Variants in DIAPH3 observed in about 807,000 individuals in gnomAD.
The protein encoded by DIAPH3 is protein diaphanous homolog 3.
Under a neutral mutation model 144.3 loss-of-function variants are expected in DIAPH3, and 117 were observed. The ratio of observed to expected loss-of-function variants is 0.81; its 90% CI spans 0.70 to 0.95. The LOEUF (loss-of-function observed/expected upper bound fraction) is 0.95. Ranked by LOEUF, DIAPH3 falls within the 40% of genes least tolerant of loss-of-function variation. The pLI, the probability that DIAPH3 is intolerant of heterozygous loss-of-function variation, is 0.00. For synonymous variants in DIAPH3, 519 were observed against 488.9 expected (o/e 1.06, Z -0.81); for missense variants, 1,421 against 1,412.7 (o/e 1.01, Z -0.09).
chr13:59,833,017 T>C, intron 24 of DIAPH3, 90 bp downstream of exon 24: 1 of 991,892 alleles, frequency 1.0e-6, no homozygotes, highest in Non-Finnish European at 1.5e-6. Context: ...TAGGTTTTCC[T>C]ACAGCAACAA....
intron 24 of DIAPH3, among the ~76,000 whole-genome samples, chr13:59,820,476 A>G (rs2041010983): frequency 6.6e-6 from 1 of 151,976 alleles, no homozygotes; most frequent in African/African-American, 2.4e-5. Flanking sequence ...AAAAAGAGTT[A>G]GCTTTCCTGT....
At chr13:60,066,790 AT>A (rs2056985087) in intron 4 of DIAPH3, among the ~76,000 whole-genome samples, 1 of 152,272 alleles carries the variant, frequency 6.6e-6, no homozygotes, top group Admixed American at 6.5e-5. Flanking sequence ...ACAGATATTT[AT>A]TTTTTCCATC....
chr13:59,911,785 A>G lies in DIAPH3; in HGVS notation c.2317T>C (p.Phe773Leu), dbSNP rs35579086. The change falls in exon 20 of 28, where the codon TTC becomes CTC. Residue 773 changes from phenylalanine to leucine, a missense_variant. Phe to Leu is a conservative substitution (Grantham distance 22, BLOSUM62 0). Transcript: ENST00000400324. ...DQEQLNSLSQ[F>L]KSEYSNLCEP... ...CATAAGTTGCTATATTCACTCTTGA[A>G]CTGAGACAATGAATTTAATTGCTCT... 7.3e-3 allele frequency: 11,791 copies of G among 1,613,554 alleles called. 68 individuals are homozygous for G. The highest frequency in any genetic ancestry group is 9.3e-3 in the Non-Finnish European group (10,922 of 1,179,610).
rs768944399 is a variant in DIAPH3 at position 59,666,760 on chromosome 13, G to T, written c.3406C>A (p.Leu1136Ile). The change falls in exon 28 of 28, where the codon CTT (leucine) becomes ATT (isoleucine). Residue 1136 changes from leucine to isoleucine, a missense_variant. Coordinates refer to ENST00000400324, the MANE Select transcript of DIAPH3 (RefSeq NM_001042517.2). ...NSTRTPVAKE[L>I]NYNLDTHTST... ...GTATGAGTGTCTAGATTATAATTAA[G>T]CTCCTTGGCGACTGGAGTCCTTGTT... 18 of 1,613,906 alleles carry T rather than the reference G, an allele frequency of 1.1e-5. No homozygotes were observed. Among genetic ancestry groups the T allele is most frequent in the Non-Finnish European group, 1.5e-5 (18 of 1,179,990 alleles).
At chr13:60,033,970 T>C (rs555463133) in intron 5 of DIAPH3, among the ~76,000 whole-genome samples, 18 of 152,326 alleles carry the variant, frequency 1.2e-4, no homozygotes, top group Admixed American at 2.6e-4. Flanking sequence ...TCTTCATGTA[T>C]AGATATGTAA....
chr13:60,108,973 G>T (rs771894697), intron 3 of DIAPH3, among the ~76,000 whole-genome samples: 1 of 152,108 alleles, frequency 6.6e-6, no homozygotes, highest in Non-Finnish European at 1.5e-5. Context: ...TAGAGAGCTG[G>T]ATTATAACTG....
Position 59,666,578 on chromosome 13 carries a change from T to G in DIAPH3, c.*6A>C. ...CTTAATCATTTTTTTTAAAAACCAG[T>G]TTAACTTATAAAGCTCGTAATCTTG... On this transcript the variant is annotated 3_prime_UTR_variant, in exon 28 of 28. Coordinates refer to ENST00000400324, the MANE Select transcript of DIAPH3 (RefSeq NM_001042517.2). The G allele has an allele frequency of 6.2e-7, 1 of 1,613,920 alleles. No homozygotes were observed. The highest frequency in any genetic ancestry group is 8.5e-7 in the Non-Finnish European group (1 of 1,179,952).
intron 27 of DIAPH3, among the ~76,000 whole-genome samples, chr13:59,759,959 A>T (rs2037492673): frequency 6.6e-6 from 1 of 151,450 alleles, no homozygotes; most frequent in African/African-American, 2.4e-5. Flanking sequence ...AAACAAACAA[A>T]CAAACAAACA....
At chr13:59,709,347 T>C (rs2034602526) in intron 27 of DIAPH3, among the ~76,000 whole-genome samples, 1 of 152,190 alleles carries the variant, frequency 6.6e-6, no homozygotes, top group South Asian at 2.1e-4. Flanking sequence ...CCTACTCATC[T>C]GACAAAGGGC....
chr13:60,063,812 C>T (rs1485391589), intron 4 of DIAPH3, among the ~76,000 whole-genome samples: 1 of 151,872 alleles, frequency 6.6e-6, no homozygotes, highest in African/African-American at 2.4e-5. Flanking sequence ...ACCTGTGATC[C>T]CAGCTACTCG....
intron 25 of DIAPH3, among the ~76,000 whole-genome samples, chr13:59,790,465 T>C (rs2139398264): frequency 6.6e-6 from 1 of 152,354 alleles, no homozygotes; most frequent in South Asian, 2.1e-4. Context: ...TGTTCATTTC[T>C]AACATAAACT....
chr13:59,666,469 A>G lies in DIAPH3; in HGVS notation c.*115T>C, dbSNP rs554488805. On this transcript the variant is annotated 3_prime_UTR_variant, in exon 28 of 28. Transcript: ENST00000400324. ...ATTTAGCTTTATTTTTCTAATATAT[A>G]TCATAATTTAAAACTATATAAAGTC... 3 of 1,192,780 alleles carry G rather than the reference A, an allele frequency of 2.5e-6. No individual in the cohort carries two copies. Among genetic ancestry groups the G allele is most frequent in the African/African-American group, 3.1e-5 (2 of 64,388 alleles). 73.9% of individuals were successfully genotyped at this position (1,192,780 alleles called of 1,614,324 possible).
chr13:60,012,845 A>T (rs2053368127), intron 7 of DIAPH3: 1 of 239,302 alleles, frequency 4.2e-6, no homozygotes, highest in Non-Finnish European at 6.8e-6. Context: ...TGTGACCCCA[A>T]AAGTCCATCA....
At position 59,924,834 on chromosome 13, in the gene DIAPH3, G is replaced by T. The variant is rs762124184; in HGVS notation, c.2111C>A (p.Ser704Ter). 5 of 1,600,660 alleles carry T rather than the reference G, an allele frequency of 3.1e-6. No individual in the cohort carries two copies. Among genetic ancestry groups the T allele is most frequent in the Non-Finnish European group, 4.3e-6 (5 of 1,170,972 alleles). Residue 704 changes from serine to a stop codon, truncating the protein, a stop_gained, in exon 18 of 28, where the codon TCG becomes TAG. Transcript: ENST00000400324. LOFTEE classifies it high-confidence loss of function. ...AAGTTCTTTAATTTTTTTCTTAATCGATTTCTTCTCTTCAATATCTTCCTC... is the reference window on the plus strand; with the variant it reads ...AAGTTCTTTAATTTTTTTCTTAATCTATTTCTTCTCTTCAATATCTTCCTC... The part of the protein sequence containing the change: ...REEEDIEEKK[S>*]IKKKIKELKF...
intron 27 of DIAPH3, among the ~76,000 whole-genome samples, chr13:59,745,073 A>C (rs1162608054): frequency 6.6e-6 from 1 of 152,200 alleles, no homozygotes. Context: ...CTTTCATGAG[A>C]ACAACTTTAG....
chr13:60,158,233 C>G (rs1952120798), intron 1 of DIAPH3, among the ~76,000 whole-genome samples: 1 of 152,220 alleles, frequency 6.6e-6, no homozygotes, highest in South Asian at 2.1e-4. Flanking sequence ...CCAATGAGAT[C>G]TCAGCCAATA....
intron 8 of DIAPH3, among the ~76,000 whole-genome samples, chr13:60,009,498 G>A (rs1286336577): frequency 6.6e-6 from 1 of 152,052 alleles, no homozygotes; most frequent in Non-Finnish European, 1.5e-5. Context: ...GAAGAAAGTG[G>A]GAAGGGAAGC....
In DIAPH3 at chr13:60,107,619, A is replaced by C. The variant is rs946547488; in HGVS notation, c.390+4391T>G. Among the ~76,000 whole-genome samples the C allele has an allele frequency of 4.6e-5, 7 of 152,286 alleles. No individual in the cohort carries two copies. In the East Asian group the frequency reaches 1.3e-3, roughly 29 times the overall value. On this transcript the variant is annotated intron_variant, in intron 3 of 27. Coordinates refer to ENST00000400324, the MANE Select transcript of DIAPH3 (RefSeq NM_001042517.2). ...GTAGGTCATCTAAGTTCTTACTACC[A>C]GGACATACTTCAAACATACGCTTAA...
chr13:60,031,353 C>T (rs1566684136), intron 5 of DIAPH3, among the ~76,000 whole-genome samples: 1 of 152,116 alleles, frequency 6.6e-6, no homozygotes, highest in Non-Finnish European at 1.5e-5. Flanking sequence ...GGCCCCACCT[C>T]CAGCACTAGA....
Sources: allele counts gnomAD v4.1 joint callset (sites outside exome capture counted in the v4.1 genomes callset), GRCh38; gene constraint gnomAD v4.1.1; transcripts MANE v1.5; gene names NCBI Gene and HGNC (gene_info 2026-07-23, HGNC 2026-07-21).